TBC1D19: variants seen among roughly 807,000 people sequenced by gnomAD.
The protein encoded by TBC1D19 is TBC1 domain family member 19.
TBC1D19 carries 60 observed loss-of-function variants against 89.0 expected under a neutral mutation model. That is an observed-to-expected ratio of 0.67 (90% CI 0.55 to 0.84). The LOEUF (loss-of-function observed/expected upper bound fraction) is 0.84. TBC1D19 is among the 40% of genes least tolerant of loss of function. The pLI is 0.00. For missense variants in TBC1D19, 500 were observed against 610.8 expected, an observed-to-expected ratio of 0.82 and a Z score of 1.91; for synonymous variants, 189 against 199.7, an observed-to-expected ratio of 0.95 and a Z score of 0.45.
At chr4:26,759,678 G>A (rs1016858497), downstream of TBC1D19, among the ~76,000 whole-genome samples, 1 of 151,986 alleles carries the variant, frequency 6.6e-6, no homozygotes. Flanking sequence ...CTAAAGATTA[G>A]ATTCATCTTT....
At chr4:26,782,538 A>G in the TBC1D19 span, among the ~76,000 whole-genome samples, 3 of 152,194 alleles carry the variant, frequency 2.0e-5, no homozygotes, top group African/African-American at 7.2e-5. Flanking sequence ...ACTCTTAATT[A>G]TATGTAGTTT....
chr4:26,581,946 A>C (rs2109921608), upstream of TBC1D19, among the ~76,000 whole-genome samples: 1 of 152,280 alleles, frequency 6.6e-6, no homozygotes, highest in Non-Finnish European at 1.5e-5. Flanking sequence ...TATGTAAAAA[A>C]CAATTTAAAG....
chr4:26,613,099 A>T (rs1428211090), intron 1 of TBC1D19, 70 bp from the exon 2 acceptor site: 1 of 1,111,010 alleles, frequency 9.0e-7, no homozygotes, highest in Non-Finnish European at 1.3e-6. Context: ...CTAAATATCA[A>T]CCCAAATGAT....
At chr4:26,749,112 C>A (rs192284372) in intron 19 of TBC1D19, among the ~76,000 whole-genome samples, 1 of 152,120 alleles carries the variant, frequency 6.6e-6, no homozygotes, top group Non-Finnish European at 1.5e-5. Context: ...ACAAATTTAT[C>A]TTTTATTTAA....
chr4:26,835,377 T>G, the TBC1D19 span, among the ~76,000 whole-genome samples: 1 of 152,200 alleles, frequency 6.6e-6, no homozygotes, highest in Non-Finnish European at 1.5e-5. Flanking sequence ...GAGACCCACA[T>G]GGACAGCTGA....
chr4:26,809,431 G>C, the TBC1D19 span, among the ~76,000 whole-genome samples: 1 of 151,938 alleles, frequency 6.6e-6, no homozygotes, highest in Non-Finnish European at 1.5e-5. Context: ...ACTCCTATTG[G>C]GCAGGAGAAA....
chr4:26,835,430 G>A, the TBC1D19 span, among the ~76,000 whole-genome samples: 1 of 152,294 alleles, frequency 6.6e-6, no homozygotes, highest in Admixed American at 6.5e-5. Flanking sequence ...AAGTCACTAA[G>A]TTTGTGATAA....
chr4:26,858,863 A>G, the TBC1D19 span: 1 of 151,422 alleles, frequency 6.6e-6, no homozygotes, highest in Non-Finnish European at 1.5e-5. Flanking sequence ...CAATGTCAAT[A>G]CCCTCCCTAT....
intron 15 of TBC1D19, among the ~76,000 whole-genome samples, chr4:26,734,934 G>GTGTATATATGTATACACATA (rs1717884380): frequency 3.4e-5 from 4 of 118,056 alleles, no homozygotes; most frequent in Non-Finnish European, 7.0e-5. Context: ...ACATATATGT[G>GTGTATATATGTATACACATA]TGTATATATG....
chr4:26,730,070 G>A (rs1326775517), intron 15 of TBC1D19, among the ~76,000 whole-genome samples: 1 of 152,254 alleles, frequency 6.6e-6, no homozygotes. Context: ...TACCAATTAG[G>A]AGGCTCTTAC....
At chr4:26,858,604 TG>T in the TBC1D19 span, 3 of 152,428 alleles carry the variant, frequency 2.0e-5, no homozygotes, top group Non-Finnish European at 2.9e-5. Flanking sequence ...TTCTCCTTTC[TG>T]TTCTTAGGTT....
the TBC1D19 span, among the ~76,000 whole-genome samples, chr4:26,823,363 T>A: frequency 2.8e-4 from 43 of 152,224 alleles, no homozygotes; most frequent in East Asian, 7.7e-3. Context: ...CTCAAACCCA[T>A]CCATGTACCT....
chr4:26,587,232 G>T (rs1739469230), intron 1 of TBC1D19, among the ~76,000 whole-genome samples: 1 of 151,930 alleles, frequency 6.6e-6, no homozygotes. Context: ...TATATTTCTT[G>T]ACTCAATTTG....
intron 11 of TBC1D19, among the ~76,000 whole-genome samples, chr4:26,681,022 TC>T (rs1274316137): frequency 1.3e-5 from 2 of 152,178 alleles, no homozygotes; most frequent in African/African-American, 4.8e-5. Context: ...GAATGACAAA[TC>T]ATTGAAATGG....
chr4:26,810,358 G>A, the TBC1D19 span, among the ~76,000 whole-genome samples: 1 of 152,176 alleles, frequency 6.6e-6, no homozygotes, highest in South Asian at 2.1e-4. Flanking sequence ...CCAGGTAATT[G>A]TATCTTGACC....
Position 26,673,757 on chromosome 4 carries a change from T to A in TBC1D19, c.704-19T>A. On this transcript the variant is annotated intron_variant, in intron 10 of 20. Transcript: ENST00000264866. Reference sequence around the variant, plus strand: ...TACATTCTGAGTTTTCAAAGGAGATTTTCATATACTTTTGATAGTTCTAGC... The same window carrying A: ...TACATTCTGAGTTTTCAAAGGAGATATTCATATACTTTTGATAGTTCTAGC... 6.6e-7 allele frequency: 1 copy of A among 1,524,040 alleles called. No homozygotes were observed. The highest frequency in any genetic ancestry group is 9.1e-7 in the Non-Finnish European group (1 of 1,100,498). The allele number at this position is 1,524,040 out of a possible 1,614,324, so 94.4% of individuals were successfully genotyped here. A position where few individuals can be genotyped will look rare whatever the true frequency, so the allele number is the denominator to read the frequency against.
At chr4:26,735,246 GAT>G (rs1717973199) in intron 15 of TBC1D19, among the ~76,000 whole-genome samples, 1 of 151,342 alleles carries the variant, frequency 6.6e-6, no homozygotes, top group African/African-American at 2.4e-5. Context: ...ATGTTAACTG[GAT>G]ATATGTTTTA....
chr4:26,845,070 C>T, the TBC1D19 span, among the ~76,000 whole-genome samples: 3 of 152,068 alleles, frequency 2.0e-5, no homozygotes, highest in South Asian at 2.1e-4. Context: ...AGTGTTTCAC[C>T]ATATTAATGA....
At chr4:26,578,471 T>TA (rs1477762389) in intron 1 of TBC1D19, among the ~76,000 whole-genome samples, 5 of 151,186 alleles carry the variant, frequency 3.3e-5, no homozygotes, top group Non-Finnish European at 3.0e-5. Context: ...ACAAGAAAGA[T>TA]AAAAAAAGAT....
Sources: allele counts gnomAD v4.1 joint callset (sites outside exome capture counted in the v4.1 genomes callset), GRCh38; gene constraint gnomAD v4.1.1; transcripts MANE v1.5; gene names NCBI Gene and HGNC (gene_info 2026-07-23, HGNC 2026-07-21).